The following ACSS3 variants were observed in gnomAD, a reference collection of about 807,000 sequenced individuals.
ACSS3 encodes the protein acyl-CoA synthetase short chain family member 3, also known as acyl-CoA synthetase short-chain family member 3, mitochondrial.
Under a neutral mutation model 84.2 loss-of-function variants are expected in ACSS3, and 64 were observed. The observed-to-expected ratio is 0.76, with a 90% CI of 0.62 to 0.94. ACSS3 has a LOEUF of 0.94. Ranked by LOEUF, ACSS3 falls within the 40% of genes least tolerant of loss-of-function variation. The probability of loss-of-function intolerance (pLI) is 0.00; values close to 1 mark genes in which losing one functional copy is unlikely to be tolerated. For missense variants in ACSS3, 815 were observed against 867.6 expected, an observed-to-expected ratio of 0.94 and a Z score of 0.76; for synonymous variants, 317 against 310.1, an observed-to-expected ratio of 1.02 and a Z score of -0.23.
chr12:81,083,148 G>A (rs1454836329), intron 1 of ACSS3, among the ~76,000 whole-genome samples: 1 of 152,108 alleles, frequency 6.6e-6, no homozygotes, highest in Non-Finnish European at 1.5e-5. Flanking sequence ...TGAGTTGCTG[G>A]GACTTACTTT....
At chr12:81,152,499 T>C (rs1175849471) in intron 7 of ACSS3, among the ~76,000 whole-genome samples, 1 of 152,182 alleles carries the variant, frequency 6.6e-6, no homozygotes. Context: ...ATAAATACTT[T>C]CCTTGGTTTC....
chr12:81,205,961 A>G (rs898163586), intron 9 of ACSS3, among the ~76,000 whole-genome samples: 6 of 152,124 alleles, frequency 3.9e-5, no homozygotes, highest in Non-Finnish European at 8.8e-5. Flanking sequence ...ATACCTAGGC[A>G]TAAGAGGCCC....
At chr12:81,210,282 T>G (rs1454527947) in intron 9 of ACSS3, among the ~76,000 whole-genome samples, 3 of 152,158 alleles carry the variant, frequency 2.0e-5, no homozygotes, top group African/African-American at 7.2e-5. Context: ...GGTGATGATA[T>G]TCCTGCCTAT....
At chr12:81,144,152 G>A (rs73359371) in intron 5 of ACSS3, among the ~76,000 whole-genome samples, 7,429 of 152,184 alleles carry the variant, frequency 0.049, 462 homozygotes, top group African/African-American at 0.14. Context: ...TATTTGATTA[G>A]TTAGCTTTTT....
chr12:81,171,281 T>C (rs2030026064), intron 7 of ACSS3, among the ~76,000 whole-genome samples: 1 of 152,160 alleles, frequency 6.6e-6, no homozygotes, highest in African/African-American at 2.4e-5. Flanking sequence ...CTGCATTATA[T>C]TACCTGAAGT....
At chr12:81,178,395 C>T (rs10862254) in intron 8 of ACSS3, among the ~76,000 whole-genome samples, 27,071 of 149,288 alleles carry the variant, frequency 0.18, 2,803 homozygotes, top group East Asian at 0.4. Context: ...AGCACACCAG[C>T]ATGGCACATG....
intron 13 of ACSS3, among the ~76,000 whole-genome samples, chr12:81,239,602 AG>A (rs747490081): frequency 8.6e-5 from 13 of 151,962 alleles, no homozygotes; most frequent in Middle Eastern, 3.4e-3. Flanking sequence ...GGGAGTGTGC[AG>A]GGGAACTCTC....
At chr12:81,239,576 A>G (rs1469655485) in intron 13 of ACSS3, among the ~76,000 whole-genome samples, 1 of 151,960 alleles carries the variant, frequency 6.6e-6, no homozygotes, top group Non-Finnish European at 1.5e-5. Flanking sequence ...CATGTCTTAC[A>G]TGGCGGCAGG....
At chr12:81,175,569 T>C (rs1273272295) in intron 8 of ACSS3, among the ~76,000 whole-genome samples, 1 of 152,150 alleles carries the variant, frequency 6.6e-6, no homozygotes. Flanking sequence ...ATTCTTCTTA[T>C]CTGCGTATGA....
intron 1 of ACSS3, among the ~76,000 whole-genome samples, chr12:81,080,664 A>T (rs965518075): frequency 6.6e-6 from 1 of 152,172 alleles, no homozygotes; most frequent in Non-Finnish European, 1.5e-5. Flanking sequence ...ACTGCATTGG[A>T]TACCTAAATG....
rs1039498083 is a variant in ACSS3, at chr12:81,147,849, T to A, written c.922-3995T>A. Among the ~76,000 whole-genome samples the A allele has an allele frequency of 2.0e-5, 3 of 151,618 alleles. No individual in the cohort carries two copies. The South Asian group carries it at 6.2e-4, about 32-fold the overall frequency. ...ATTTATTTTCCCCCTTTATTGTTTC[T>A]TGTCAGGCTGAATTGATACACACAC... On this transcript the variant is annotated intron_variant, in intron 5 of 15. Transcript: ENST00000548058.
chr12:81,199,287 A>G (rs887937126), intron 8 of ACSS3, 54 bp from the exon 9 acceptor site: 4 of 1,483,194 alleles, frequency 2.7e-6, no homozygotes, highest in Non-Finnish European at 2.8e-6. Context: ...ATGTAAATAC[A>G]ATTATTTAGA....
At position 81,254,951 on chromosome 12, in the gene ACSS3, G is replaced by C. The variant is rs538117841; in HGVS notation, c.*29G>C. On this transcript the variant is annotated 3_prime_UTR_variant, in exon 16 of 16. Coordinates refer to ENST00000548058, the MANE Select transcript of ACSS3 (RefSeq NM_024560.4). ...GTTTGTCTTATTCCTATTTTGAGTTGATTTAATTTCTTAATTGAAATTAAA... is the reference window on the plus strand; with the variant it reads ...GTTTGTCTTATTCCTATTTTGAGTTCATTTAATTTCTTAATTGAAATTAAA... 1.6e-4 allele frequency: 234 copies of C among 1,495,296 alleles called. 2 individuals carry two copies. The South Asian group carries it at 2.8e-3, about 18-fold the overall frequency. 92.6% of individuals were successfully genotyped at this position (1,495,296 alleles called of 1,614,324 possible).
intron 1 of ACSS3, among the ~76,000 whole-genome samples, chr12:81,091,495 T>C (rs1437884798): frequency 6.6e-6 from 1 of 152,048 alleles, no homozygotes; most frequent in African/African-American, 2.4e-5. Flanking sequence ...ATGTCTAGCA[T>C]GAGCATCGTT....
At chr12:81,192,440 A>G (rs866719478) in intron 8 of ACSS3, among the ~76,000 whole-genome samples, 2 of 152,160 alleles carry the variant, frequency 1.3e-5, no homozygotes, top group African/African-American at 4.8e-5. Context: ...CTATATTGAG[A>G]TACCAGATGT....
At chr12:81,224,194 A>T (rs1314626367) in intron 11 of ACSS3, among the ~76,000 whole-genome samples, 1 of 151,958 alleles carries the variant, frequency 6.6e-6, no homozygotes, top group African/African-American at 2.4e-5. Context: ...TTGAAGGATG[A>T]GTATAGGTAT....
At chr12:81,109,438 A>T in intron 1 of ACSS3, 122 bp from the exon 2 acceptor site, 1 of 1,049,816 alleles carries the variant, frequency 9.5e-7, no homozygotes, top group Non-Finnish European at 1.3e-6. Flanking sequence ...TACTTGACAT[A>T]GAATGCACTA....
Position 81,110,797 on chromosome 12 carries a change from A to C in ACSS3, c.456+1093A>C, listed in dbSNP as rs1471380230. The stretch of plus-strand genomic sequence containing the variant: ...TGGTTGAGAAACTGAAGTTGAGCAG[A>C]GTCTGTCATGCTAGGGTTTGGAGGC... On this transcript the variant is annotated intron_variant, in intron 2 of 15. Transcript: ENST00000548058. 3.9e-5 allele frequency among the ~76,000 whole-genome samples: 6 copies of C among 152,176 alleles called. No homozygotes were observed. The South Asian group carries it at 1.0e-3, about 26-fold the overall frequency.
At chr12:81,114,353 G>C (rs1272438485) in intron 2 of ACSS3, among the ~76,000 whole-genome samples, 1 of 152,068 alleles carries the variant, frequency 6.6e-6, no homozygotes, top group Non-Finnish European at 1.5e-5. Context: ...TGTCCCATGA[G>C]AATTCTTCCT....
Sources: allele counts gnomAD v4.1 joint callset (sites outside exome capture counted in the v4.1 genomes callset), GRCh38; gene constraint gnomAD v4.1.1; transcripts MANE v1.5; gene names NCBI Gene and HGNC (gene_info 2026-07-23, HGNC 2026-07-21).